Variants in ALDH1L1 observed in about 807,000 individuals in gnomAD.
ALDH1L1 encodes the protein aldehyde dehydrogenase 1 family member L1.
In ALDH1L1, 68 loss-of-function variants were observed where a neutral mutation model predicts 101.1. The ratio of observed to expected loss-of-function variants is 0.67; its 90% CI spans 0.55 to 0.82. The LOEUF is 0.82. Ranked by LOEUF, ALDH1L1 falls within the 40% of genes least tolerant of loss-of-function variation. The pLI is 0.00. For synonymous variants in ALDH1L1, 486 were observed against 470.8 expected, an observed-to-expected ratio of 1.03 and a Z score of -0.42; for missense variants, 1,087 against 1,172.7, an observed-to-expected ratio of 0.93 and a Z score of 1.07.
At chr3:126,148,855 C>G (rs1472945461) in intron 8 of ALDH1L1, among the ~76,000 whole-genome samples, 1 of 152,192 alleles carries the variant, frequency 6.6e-6, no homozygotes, top group Non-Finnish European at 1.5e-5. Flanking sequence ...TAAAACAGAG[C>G]CAAGTGGACA....
chr3:126,193,272 A>G (rs1414462332), intron 1 of ALDH1L1, among the ~76,000 whole-genome samples: 1 of 152,178 alleles, frequency 6.6e-6, no homozygotes. Flanking sequence ...GTCACTATCT[A>G]TAAGAGAAAA....
At chr3:126,158,040 C>T (rs1175218626) in intron 3 of ALDH1L1, among the ~76,000 whole-genome samples, 1 of 152,096 alleles carries the variant, frequency 6.6e-6, no homozygotes, top group Non-Finnish European at 1.5e-5. Flanking sequence ...AGAGTAGGAC[C>T]CCCAGCCCAC....
intron 9 of ALDH1L1, among the ~76,000 whole-genome samples, chr3:126,138,811 A>T (rs779261942): frequency 3.9e-5 from 6 of 152,266 alleles, no homozygotes; most frequent in Non-Finnish European, 8.8e-5. Flanking sequence ...TAGACAGCAG[A>T]TGGCAGAACA....
At chr3:126,165,338 G>C (rs2081144484) in intron 1 of ALDH1L1, among the ~76,000 whole-genome samples, 1 of 152,084 alleles carries the variant, frequency 6.6e-6, no homozygotes, top group Non-Finnish European at 1.5e-5. Flanking sequence ...ATTTTGTTGA[G>C]GATTTTTGTG....
intron 1 of ALDH1L1, among the ~76,000 whole-genome samples, chr3:126,186,786 A>G: frequency 6.6e-6 from 1 of 152,220 alleles, no homozygotes; most frequent in East Asian, 1.9e-4. Flanking sequence ...AGGGATCCGC[A>G]GATGAGTGGC....
chr3:126,174,160 G>A (rs375833958), intron 1 of ALDH1L1, among the ~76,000 whole-genome samples: 10 of 151,980 alleles, frequency 6.6e-5, no homozygotes, highest in African/African-American at 2.4e-4. Flanking sequence ...TGCCTCAGCC[G>A]CCCGAGTAGC....
intron 9 of ALDH1L1, among the ~76,000 whole-genome samples, chr3:126,144,705 C>G (rs2080638199): frequency 1.3e-5 from 2 of 152,126 alleles, no homozygotes; most frequent in Non-Finnish European, 1.5e-5. Context: ...ATATTCAACT[C>G]AAAATATATG....
chr3:126,188,510 C>T (rs538058079), intron 1 of ALDH1L1, among the ~76,000 whole-genome samples: 1 of 152,242 alleles, frequency 6.6e-6, no homozygotes, highest in East Asian at 1.9e-4. Context: ...AGTAAAGGAG[C>T]TTTCTCCAAA....
At chr3:126,187,721 T>G (rs886696782) in intron 1 of ALDH1L1, among the ~76,000 whole-genome samples, 1 of 152,158 alleles carries the variant, frequency 6.6e-6, no homozygotes, top group African/African-American at 2.4e-5. Context: ...CTGCAGATTC[T>G]GAGCTGGACG....
chr3:126,169,269 T>G (rs1469036233), intron 1 of ALDH1L1, among the ~76,000 whole-genome samples: 3 of 152,322 alleles, frequency 2.0e-5, no homozygotes, highest in East Asian at 1.9e-4. Context: ...TAAAGTATAC[T>G]CCTGTAAATA....
chr3:126,181,831 T>C (rs1233238858), upstream of ALDH1L1, among the ~76,000 whole-genome samples: 1 of 152,250 alleles, frequency 6.6e-6, no homozygotes, highest in African/African-American at 2.4e-5. Context: ...TAAGCCAGTA[T>C]GGGCACCCAG....
intron 3 of ALDH1L1, among the ~76,000 whole-genome samples, chr3:126,158,033 G>A (rs190813646): frequency 6.6e-6 from 1 of 152,196 alleles, no homozygotes; most frequent in African/African-American, 2.4e-5. Flanking sequence ...GGAAGTTAGA[G>A]TAGGACCCCC....
chr3:126,123,257 CTTTTTTT>C (rs138624090), intron 16 of ALDH1L1, among the ~76,000 whole-genome samples: 4 of 138,678 alleles, frequency 2.9e-5, no homozygotes, highest in Admixed American at 1.4e-4. Flanking sequence ...CACCAAAACT[CTTTTTTT>C]TTTTTTTTTT....
intron 20 of ALDH1L1, among the ~76,000 whole-genome samples, chr3:126,109,741 T>C (rs1946014795): frequency 6.6e-6 from 1 of 152,196 alleles, no homozygotes; most frequent in Non-Finnish European, 1.5e-5. Context: ...AAACCAGCAC[T>C]GAATAATGCT....
intron 2 of ALDH1L1, among the ~76,000 whole-genome samples, chr3:126,159,222 G>GCACACACA (rs143177704): frequency 6.8e-6 from 1 of 147,818 alleles, no homozygotes; most frequent in Non-Finnish European, 1.5e-5. Context: ...ACACATGCGT[G>GCACACACA]CACACACACA....
At chr3:126,197,945 C>CA (rs3047863) in exon 1 of ALDH1L1, 52,697 of 142,404 alleles carry the variant, frequency 0.37, 9,430 homozygotes, top group Admixed American at 0.42. Flanking sequence ...AATTTATAGA[C>CA]AAAAAAAAAA....
At chr3:126,130,943 G>T (rs763505271) in intron 13 of ALDH1L1, among the ~76,000 whole-genome samples, 5 of 152,330 alleles carry the variant, frequency 3.3e-5, no homozygotes, top group Non-Finnish European at 7.3e-5. Flanking sequence ...AACTGCAGGA[G>T]CCCCCAGAAA....
chr3:126,107,107 T>A, intron 21 of ALDH1L1, 34 bp downstream of exon 21: 1 of 1,581,856 alleles, frequency 6.3e-7, no homozygotes. Context: ...TGGGAGAGAG[T>A]CAGGGCCCTT....
At chr3:126,140,868 C>A (rs1012385292) in intron 9 of ALDH1L1, among the ~76,000 whole-genome samples, 2 of 151,844 alleles carry the variant, frequency 1.3e-5, no homozygotes, top group African/African-American at 4.8e-5. Flanking sequence ...TATAGAGAAA[C>A]TGAGGAACAA....
Sources: gnomAD v4.1 joint callset for allele counts (sites outside exome capture counted in the v4.1 genomes callset) on GRCh38, gnomAD v4.1.1 for gene constraint, MANE v1.5 for transcripts, NCBI Gene and HGNC (gene_info 2026-07-23, HGNC 2026-07-21) for gene names.